STK3: variants seen among roughly 807,000 people sequenced by gnomAD.
STK3 encodes serine/threonine-protein kinase 3.
In STK3, 41 loss-of-function variants were observed where a neutral mutation model predicts 58.0. That is an observed-to-expected ratio of 0.71 (90% CI 0.55 to 0.92). The LOEUF is 0.92. Ranked by LOEUF, STK3 falls within the 40% of genes least tolerant of loss-of-function variation. The pLI is 0.00. For missense variants in STK3, 479 were observed against 602.7 expected (o/e 0.79, Z 2.15); for synonymous variants, 170 against 191.0 (o/e 0.89, Z 0.91).
At chr8:98,812,265 G>A (rs1398579176) in intron 1 of STK3, among the ~76,000 whole-genome samples, 1 of 152,130 alleles carries the variant, frequency 6.6e-6, no homozygotes, top group Non-Finnish European at 1.5e-5. Context: ...CTCTTAGAAA[G>A]TTATGTGTTT....
intron 3 of STK3, among the ~76,000 whole-genome samples, chr8:98,423,455 T>G (rs1379122542): frequency 6.6e-6 from 1 of 152,010 alleles, no homozygotes; most frequent in Non-Finnish European, 1.5e-5. Flanking sequence ...GTTTGGGAGG[T>G]GGGCAGAGTG....
At chr8:98,737,925 G>A (rs1212179271) in intron 4 of STK3, among the ~76,000 whole-genome samples, 2 of 152,052 alleles carry the variant, frequency 1.3e-5, no homozygotes, top group Non-Finnish European at 2.9e-5. Flanking sequence ...GGCCAGGCTG[G>A]TCTCAAACTC....
At chr8:98,546,074 C>T (rs542912851) in intron 9 of STK3, among the ~76,000 whole-genome samples, 71 of 152,222 alleles carry the variant, frequency 4.7e-4, no homozygotes, top group African/African-American at 1.7e-3. Flanking sequence ...AGAAAGTTGG[C>T]TCATGGGATT....
chr8:98,585,654 G>A (rs1036658440), intron 7 of STK3, among the ~76,000 whole-genome samples: 1 of 151,058 alleles, frequency 6.6e-6, no homozygotes, highest in East Asian at 1.9e-4. Flanking sequence ...TAGCTTGATG[G>A]GGATGGCATT....
intron 9 of STK3, among the ~76,000 whole-genome samples, chr8:98,534,328 A>C (rs2131523649): frequency 6.6e-6 from 1 of 152,280 alleles, no homozygotes; most frequent in Non-Finnish European, 1.5e-5. Context: ...TAAAACACCA[A>C]TATTTGTGGT....
At chr8:98,367,281 T>A (rs966961145), downstream of STK3, among the ~76,000 whole-genome samples, 2 of 152,156 alleles carry the variant, frequency 1.3e-5, no homozygotes, top group African/African-American at 4.8e-5. Flanking sequence ...TCTTAAAAAG[T>A]CAAACCTTAC....
intron 1 of STK3, among the ~76,000 whole-genome samples, chr8:98,903,746 A>G (rs750613122): frequency 6.6e-5 from 10 of 152,046 alleles, no homozygotes; most frequent in South Asian, 2.1e-4. Context: ...CTAATGTTGC[A>G]TTATAAAGTC....
intron 1 of STK3, among the ~76,000 whole-genome samples, chr8:98,915,921 G>A (rs1839330066): frequency 6.6e-6 from 1 of 152,166 alleles, no homozygotes; most frequent in Non-Finnish European, 1.5e-5. Context: ...CAGAAACTAT[G>A]AAAGGCAGAA....
chr8:98,493,248 AAT>A, intron 10 of STK3, among the ~76,000 whole-genome samples: 1 of 151,634 alleles, frequency 6.6e-6, no homozygotes, highest in Non-Finnish European at 1.5e-5. Flanking sequence ...AAAAAAAAAA[AAT>A]CATCAAGCGT....
chr8:98,575,905 C>A (rs910888279), intron 8 of STK3, among the ~76,000 whole-genome samples: 1 of 152,136 alleles, frequency 6.6e-6, no homozygotes, highest in Non-Finnish European at 1.5e-5. Context: ...TGATGAAGTT[C>A]AGTTTATCTT....
At chr8:98,890,088 T>C (rs1285319030) in intron 1 of STK3, among the ~76,000 whole-genome samples, 2 of 152,192 alleles carry the variant, frequency 1.3e-5, no homozygotes, top group Non-Finnish European at 2.9e-5. Context: ...TGAGGAAATG[T>C]AGGCTTAGAG....
intron 9 of STK3, among the ~76,000 whole-genome samples, chr8:98,539,958 T>C (rs1810100882): frequency 6.6e-6 from 1 of 152,224 alleles, no homozygotes; most frequent in African/African-American, 2.4e-5. Flanking sequence ...TTCACCGTGT[T>C]GGCCAGGCTG....
chr8:98,467,645 T>G (rs1297925075), intron 10 of STK3, among the ~76,000 whole-genome samples: 2 of 152,060 alleles, frequency 1.3e-5, no homozygotes, highest in Non-Finnish European at 2.9e-5. Context: ...GGGTATTTTT[T>G]CAGCATGTTT....
intron 7 of STK3, among the ~76,000 whole-genome samples, chr8:98,584,114 A>G (rs1236735023): frequency 1.3e-5 from 2 of 150,156 alleles, no homozygotes; most frequent in African/African-American, 2.5e-5. Flanking sequence ...TTTTATTATT[A>G]TACTTTAAGT....
the STK3 span, among the ~76,000 whole-genome samples, chr8:98,354,651 T>G: frequency 6.6e-6 from 1 of 152,136 alleles, no homozygotes; most frequent in Non-Finnish European, 1.5e-5. Flanking sequence ...TACATTCCAA[T>G]CTGGTAAAAT....
intron 3 of STK3, among the ~76,000 whole-genome samples, chr8:98,422,606 C>T (rs1489572071): frequency 6.6e-6 from 1 of 152,176 alleles, no homozygotes; most frequent in East Asian, 1.9e-4. Context: ...GAGGAGCAGG[C>T]ACAGGAAACC....
At chr8:98,634,169 A>G (rs1379648627) in intron 6 of STK3, among the ~76,000 whole-genome samples, 1 of 152,116 alleles carries the variant, frequency 6.6e-6, no homozygotes, top group Non-Finnish European at 1.5e-5. Context: ...GAGGGAAGGA[A>G]ACATCAACAG....
intron 10 of STK3, among the ~76,000 whole-genome samples, chr8:98,522,542 A>AT (rs969415530): frequency 2.6e-5 from 4 of 152,076 alleles, no homozygotes; most frequent in Non-Finnish European, 4.4e-5. Context: ...TCTCTTATGC[A>AT]TTTTTTATGC....
At chr8:98,515,709 C>A (rs543760889) in intron 10 of STK3, among the ~76,000 whole-genome samples, 12 of 152,022 alleles carry the variant, frequency 7.9e-5, no homozygotes, top group African/African-American at 2.6e-4. Flanking sequence ...GAGATTTTGA[C>A]CACTGAACTT....
Sources: allele counts gnomAD v4.1 joint callset (sites outside exome capture counted in the v4.1 genomes callset), GRCh38; gene constraint gnomAD v4.1.1; transcripts MANE v1.5; gene names NCBI Gene and HGNC (gene_info 2026-07-23, HGNC 2026-07-21).